PLEKHG5: variants seen among roughly 807,000 people sequenced by gnomAD.
The protein encoded by PLEKHG5 is pleckstrin homology domain-containing family G member 5.
Under a neutral mutation model 103.8 loss-of-function variants are expected in PLEKHG5, and 52 were observed. That is an observed-to-expected ratio of 0.50 (90% CI 0.40 to 0.63). The LOEUF (loss-of-function observed/expected upper bound fraction) is 0.63. Among genes scored for constraint, PLEKHG5 ranks in the 30% least tolerant of loss-of-function variants. The pLI, the probability that PLEKHG5 is intolerant of heterozygous loss-of-function variation, is 0.00. For missense variants in PLEKHG5, 1,205 were observed against 1,347.6 expected, an observed-to-expected ratio of 0.89 and a Z score of 1.66; for synonymous variants, 592 against 575.5, an observed-to-expected ratio of 1.03 and a Z score of -0.41.
intron 5 of PLEKHG5, 34 bp from the exon 6 acceptor site, chr1:6,474,621 C>T: frequency 6.2e-7 from 1 of 1,611,596 alleles, no homozygotes; most frequent in Non-Finnish European, 8.5e-7. Flanking sequence ...TGTGTTAGAA[C>T]CAGGCGGCCA....
intron 1 of PLEKHG5, chr1:6,485,338 C>T (rs1645003255): frequency 1.4e-6 from 2 of 1,427,536 alleles, no homozygotes; most frequent in Non-Finnish European, 1.8e-6. Flanking sequence ...CTATCACCGT[C>T]GCGGGCACGA....
At chr1:6,517,683 G>A (rs1020403501) in intron 1 of PLEKHG5, among the ~76,000 whole-genome samples, 4 of 152,148 alleles carry the variant, frequency 2.6e-5, no homozygotes, top group South Asian at 2.1e-4. Flanking sequence ...TCCATGACTC[G>A]CTGTCAGCTT....
At chr1:6,497,380 C>G (rs1645243696), upstream of PLEKHG5, 7 of 1,090,322 alleles carry the variant, frequency 6.4e-6, no homozygotes, top group Non-Finnish European at 7.8e-6. The surrounding 1 kb of genome is among the most constrained non-coding windows in gnomAD (Gnocchi z 6.1). Flanking sequence ...CCGGGGACGC[C>G]GGGGACTGGG....
chr1:6,510,818 G>A (rs1372654317), intron 1 of PLEKHG5, among the ~76,000 whole-genome samples: 1 of 152,152 alleles, frequency 6.6e-6, no homozygotes. Context: ...TGGGCACAGT[G>A]GCTCATGCCT....
At chr1:6,519,243 A>AC (rs1426283664) in intron 1 of PLEKHG5, among the ~76,000 whole-genome samples, 3 of 152,202 alleles carry the variant, frequency 2.0e-5, no homozygotes, top group African/African-American at 7.2e-5. Flanking sequence ...GATGGCTCAA[A>AC]CTGCAGGGCT....
rs368253434 is a variant in PLEKHG5 at position 6,470,377 on chromosome 1, G to A, written c.1681-22C>T. On this transcript the variant is annotated intron_variant, in intron 15 of 20. Coordinates refer to ENST00000377728, the MANE Select transcript of PLEKHG5 (RefSeq NM_020631.6). Reference sequence around the variant, plus strand: ...GGAGCTGGGGACGGATGGCGTGAACGTAGGGGAGGCCAGAGACTGACTCCC... The same window carrying A: ...GGAGCTGGGGACGGATGGCGTGAACATAGGGGAGGCCAGAGACTGACTCCC... 60 of 1,613,620 alleles carry A rather than the reference G, an allele frequency of 3.7e-5. No individual in the cohort carries two copies. The South Asian group carries it at 5.7e-4, about 15-fold the overall frequency.
chr1:6,497,303 T>C, upstream of PLEKHG5: 1 of 1,089,448 alleles, frequency 9.2e-7, no homozygotes, highest in Non-Finnish European at 1.3e-6. The surrounding 1 kb of genome is among the most constrained non-coding windows in gnomAD (Gnocchi z 6.1). Flanking sequence ...GTCCGCCGGG[T>C]CCCCGCCTGC....
At chr1:6,509,640 A>G (rs942004694) in intron 1 of PLEKHG5, among the ~76,000 whole-genome samples, 13 of 152,130 alleles carry the variant, frequency 8.5e-5, no homozygotes, top group African/African-American at 3.1e-4. Context: ...TCTCCCCTCA[A>G]CCACCCTGGA....
chr1:6,471,459 C>G (rs1040416473), intron 12 of PLEKHG5, 29 bp downstream of exon 12: 1 of 1,601,032 alleles, frequency 6.2e-7, no homozygotes, highest in Admixed American at 1.7e-5. Flanking sequence ...TGCCTCAGTG[C>G]CCCCGCCTGC....
At chr1:6,500,514 C>T (rs910828851), upstream of PLEKHG5, among the ~76,000 whole-genome samples, 7 of 151,886 alleles carry the variant, frequency 4.6e-5, no homozygotes, top group African/African-American at 1.7e-4. Flanking sequence ...ACCTGGAACC[C>T]TGAACTCCCC....
chr1:6,477,142 G>A (rs967790323), intron 2 of PLEKHG5, among the ~76,000 whole-genome samples: 1 of 152,140 alleles, frequency 6.6e-6, no homozygotes, highest in Non-Finnish European at 1.5e-5. Context: ...TCCTGACCTG[G>A]CCACCCCCAC....
intron 1 of PLEKHG5, among the ~76,000 whole-genome samples, chr1:6,504,701 C>T (rs532242159): frequency 6.6e-6 from 1 of 152,136 alleles, no homozygotes; most frequent in South Asian, 2.1e-4. Flanking sequence ...TCCGGAGTAA[C>T]TGGGACTACA....
At chr1:6,510,420 G>A (rs950692000) in intron 1 of PLEKHG5, among the ~76,000 whole-genome samples, 54 of 152,064 alleles carry the variant, frequency 3.6e-4, no homozygotes, top group African/African-American at 1.2e-3. Context: ...ATGAAACCCC[G>A]TCTCTACTAA....
intron 1 of PLEKHG5, among the ~76,000 whole-genome samples, chr1:6,479,679 C>T (rs530914762): frequency 6.6e-6 from 1 of 152,088 alleles, no homozygotes; most frequent in South Asian, 2.1e-4. Context: ...ATGGCATGAT[C>T]AGCTCACTGC....
chr1:6,474,879 C>G lies in PLEKHG5; in HGVS notation c.302+168G>C, dbSNP rs1465164815. 4 of 734,522 alleles carry G rather than the reference C, an allele frequency of 5.4e-6. No homozygotes were observed. In the East Asian group the frequency reaches 9.8e-5, roughly 18 times the overall value. 45.5% of individuals were successfully genotyped at this position (734,522 alleles called of 1,614,324 possible). On this transcript the variant is annotated intron_variant, in intron 5 of 20. Transcript: ENST00000377728. The stretch of plus-strand genomic sequence containing the variant: ...ACAAGTACACAGACCCCACCGCACT[C>G]CCTCACACTGGCGTGCACACCAGCA...
upstream of PLEKHG5, chr1:6,496,500 G>A (rs144153669): frequency 3.1e-5 from 50 of 1,602,610 alleles, no homozygotes; most frequent in East Asian, 3.2e-4. Context: ...TACCTTGGCC[G>A]CCCGCCCCTT....
rs372602993 is a variant in PLEKHG5 at position 6,474,087 on chromosome 1, G to A, written c.517C>T (p.Arg173Trp). The part of the protein sequence containing the change: ...DSKSLSLPIL[R>W]PAGTGPPALE... The stretch of plus-strand genomic sequence containing the variant: ...GCGGGGGGCCCGGTCCCAGCTGGCC[G>A]CAGAATCGGCAAACTCAGGGACTTG... The change falls in exon 7 of 21, where the codon CGG becomes TGG. Residue 173 changes from arginine to tryptophan, a missense_variant. Coordinates refer to ENST00000377728, the MANE Select transcript of PLEKHG5 (RefSeq NM_020631.6). The A allele has an allele frequency of 1.7e-5, 27 of 1,612,410 alleles. No homozygotes were observed. The highest frequency in any genetic ancestry group is 2.7e-5 in the African/African-American group (2 of 74,850).
intron 11 of PLEKHG5, 53 bp from the exon 12 acceptor site, chr1:6,471,690 G>T: frequency 6.4e-7 from 1 of 1,557,288 alleles, no homozygotes; most frequent in Non-Finnish European, 8.7e-7. Context: ...GGTTAGCCCC[G>T]CCCCAGGTCC....
At chr1:6,472,487 G>T in intron 10 of PLEKHG5, 40 bp downstream of exon 10, 1 of 1,372,458 alleles carries the variant, frequency 7.3e-7, no homozygotes. Flanking sequence ...AGAAAGAGGG[G>T]GGCAGGGTGG....
Sources: gnomAD v4.1 joint callset for allele counts (sites outside exome capture counted in the v4.1 genomes callset) on GRCh38, gnomAD v4.1.1 for gene constraint, Gnocchi (gnomAD v3.1) non-coding constraint, MANE v1.5 for transcripts, NCBI Gene and HGNC (gene_info 2026-07-23, HGNC 2026-07-21) for gene names.